MELK: variants seen among roughly 807,000 people sequenced by gnomAD.
MELK encodes pEg3 kinase.
In MELK, 81 loss-of-function variants were observed where a neutral mutation model predicts 85.0. That is an observed-to-expected ratio of 0.95 (90% CI 0.80 to 1.15). MELK has a LOEUF of 1.15. Ranked by LOEUF, MELK falls within the 50% of genes most tolerant of loss-of-function variation. The pLI is 0.00. For missense variants in MELK, 754 were observed against 777.5 expected (o/e 0.97, Z 0.36); for synonymous variants, 252 against 265.0 (o/e 0.95, Z 0.48).
intron 3 of MELK, among the ~76,000 whole-genome samples, chr9:36,588,173 C>T (rs979374929): frequency 3.3e-5 from 5 of 151,476 alleles, no homozygotes; most frequent in African/African-American, 9.7e-5. Flanking sequence ...TCTCCTGCCT[C>T]AGCCTCCAGA....
intron 14 of MELK, among the ~76,000 whole-genome samples, chr9:36,669,016 A>G (rs1832643626): frequency 6.6e-6 from 1 of 152,210 alleles, no homozygotes; most frequent in African/African-American, 2.4e-5. Context: ...TTGTATTTAT[A>G]TGATCTGTTT....
chr9:36,620,590 C>G (rs1377945349), intron 8 of MELK, among the ~76,000 whole-genome samples: 1 of 146,960 alleles, frequency 6.8e-6, no homozygotes, highest in African/African-American at 2.5e-5. Flanking sequence ...CGCTCTGTCT[C>G]CCAGGCTGGA....
Position 36,589,615 on chromosome 9 carries a change from T to G in MELK, c.224T>G (p.Val75Gly), listed in dbSNP as rs147513197. ...RHQHICQLYH[V>G]LETANKIFMV... ...CAGCATATATGTCAACTCTACCATG[T>G]GCTAGAGACAGCCAACAAAATATTC... The change falls in exon 4 of 18, where the codon GTG becomes GGG. Residue 75 changes from valine to glycine, a missense_variant. By Grantham distance (109) the Val-to-Gly change is moderately radical. Transcript: ENST00000298048. The G allele has an allele frequency of 6.0e-5, 97 of 1,613,782 alleles. No individual in the cohort carries two copies. In the African/African-American group the frequency reaches 1.2e-3, roughly 20 times the overall value.
chr9:36,605,302 G>A (rs1307629368), intron 7 of MELK, among the ~76,000 whole-genome samples: 1 of 151,894 alleles, frequency 6.6e-6, no homozygotes, highest in Non-Finnish European at 1.5e-5. Context: ...TCTACCTCCC[G>A]GGTTCAAGCA....
At chr9:36,584,661 C>A (rs928471418) in intron 3 of MELK, among the ~76,000 whole-genome samples, 1 of 151,260 alleles carries the variant, frequency 6.6e-6, no homozygotes, top group Non-Finnish European at 1.5e-5. Context: ...GATACTCTTA[C>A]TAAATATAAA....
chr9:36,635,326 C>T (rs768158114), intron 10 of MELK, among the ~76,000 whole-genome samples: 3 of 151,608 alleles, frequency 2.0e-5, no homozygotes, highest in Non-Finnish European at 2.9e-5. Flanking sequence ...TGCAATGGCA[C>T]GATCTTGGCT....
At chr9:36,600,692 C>T (rs556798148) in intron 7 of MELK, among the ~76,000 whole-genome samples, 1 of 152,100 alleles carries the variant, frequency 6.6e-6, no homozygotes, top group Admixed American at 6.6e-5. Flanking sequence ...GCTCTGGCCT[C>T]CAAATCTTTA....
At position 36,589,553 on chromosome 9, in the gene MELK, C is replaced by A; in HGVS notation, c.162C>A (p.Ile54=). The A allele has an allele frequency of 6.2e-7, 1 of 1,613,794 alleles. No individual in the cohort carries two copies. The highest frequency in any genetic ancestry group is 8.5e-7 in the Non-Finnish European group (1 of 1,179,750). Residue 54 remains isoleucine, a synonymous_variant, in exon 4 of 18, where the codon ATC becomes ATA. Coordinates refer to ENST00000298048, the MANE Select transcript of MELK (RefSeq NM_014791.4). ...KNTLGSDLPR[I]KTEIEALKNL... is the part of the protein sequence containing the mutation. ...TGTCACAGAGTGATTTGCCCCGGAT[C>A]AAAACGGAGATTGAGGCCTTGAAGA...
At chr9:36,670,782 T>A (rs1425272738) in intron 15 of MELK, among the ~76,000 whole-genome samples, 1 of 148,422 alleles carries the variant, frequency 6.7e-6, no homozygotes, top group East Asian at 1.9e-4. Context: ...AGGGGATAAA[T>A]AGTTTTGCTG....
intron 8 of MELK, among the ~76,000 whole-genome samples, chr9:36,619,376 T>C (rs1302058087): frequency 2.6e-5 from 4 of 152,200 alleles, no homozygotes; most frequent in Non-Finnish European, 5.9e-5. Context: ...TTATGGGTAT[T>C]CTGTGATGCT....
chr9:36,582,407 G>A (rs899558568), intron 2 of MELK, among the ~76,000 whole-genome samples: 1 of 152,194 alleles, frequency 6.6e-6, no homozygotes, highest in Non-Finnish European at 1.5e-5. Context: ...CAAGAGCAGA[G>A]GCAGGGAGAT....
chr9:36,626,784 C>A (rs1827967724), intron 8 of MELK, among the ~76,000 whole-genome samples: 2 of 151,652 alleles, frequency 1.3e-5, no homozygotes, highest in African/African-American at 4.8e-5. Context: ...ATGGTGAAAC[C>A]CTATCTCTAC....
chr9:36,597,233 GTT>G lies in MELK; in HGVS notation c.419_420del (p.Phe140Ter). The G allele has an allele frequency of 1.9e-6, 3 of 1,613,486 alleles. No individual in the cohort carries two copies. Among genetic ancestry groups the G allele is most frequent in the Non-Finnish European group, 2.5e-6 (3 of 1,179,482 alleles). On this transcript the variant is annotated frameshift_variant, in exon 6 of 18. Transcript: ENST00000298048. LOFTEE classifies it high-confidence loss of function. ...CTTTGTTTTCCCAGGAAAATTTGCT[GTT>G]TGATGAATATCATAAATTAAAGCTG... Reference protein sequence around the residue: ...HRDLKPENLLFDEYHKLKLID... With the variant: ...HRDLKPENLLXDEYHKLKLID...
intron 8 of MELK, among the ~76,000 whole-genome samples, chr9:36,608,271 C>G (rs1286539852): frequency 1.0e-5 from 1 of 95,984 alleles, no homozygotes; most frequent in Non-Finnish European, 1.8e-5. Flanking sequence ...GAGCAAGACT[C>G]TGTCTCAAAA....
intron 8 of MELK, among the ~76,000 whole-genome samples, chr9:36,629,375 T>G (rs1828283796): frequency 6.6e-6 from 1 of 152,192 alleles, no homozygotes; most frequent in South Asian, 2.1e-4. Flanking sequence ...TATCATGTAT[T>G]AGCATTTAGC....
chr9:36,653,737 T>C (rs1830941513), intron 12 of MELK, among the ~76,000 whole-genome samples: 1 of 152,094 alleles, frequency 6.6e-6, no homozygotes, highest in African/African-American at 2.4e-5. Context: ...CAATTGACTG[T>C]GTGGATGAAA....
intron 8 of MELK, among the ~76,000 whole-genome samples, chr9:36,615,379 T>C (rs1343914648): frequency 3.1e-5 from 4 of 127,108 alleles, no homozygotes; most frequent in African/African-American, 3.4e-5. Flanking sequence ...TCGGCACGGC[T>C]GGCCGGGCGG....
At position 36,669,377 on chromosome 9, in the gene MELK, A is replaced by G. The variant is rs145670187; in HGVS notation, c.1476A>G (p.Leu492=). 2.4e-4 allele frequency: 387 copies of G among 1,607,076 alleles called. 1 individual carries two copies. The African/African-American group carries it at 4.7e-3, about 19-fold the overall frequency. Residue 492 remains leucine, a synonymous_variant, in exon 15 of 18, where the codon TTA becomes TTG. Coordinates refer to ENST00000298048, the MANE Select transcript of MELK (RefSeq NM_014791.4). ...IPVNSTGTDK[L]MTGVISPERR... ...TAAATTCAACAGGAACAGACAAGTT[A>G]ATGACAGGTGTCATTAGCCCTGAGA... is the stretch of plus-strand genomic sequence containing the variant.
chr9:36,653,319 A>G (rs2137310560), intron 12 of MELK, among the ~76,000 whole-genome samples: 1 of 151,902 alleles, frequency 6.6e-6, no homozygotes, highest in Non-Finnish European at 1.5e-5. Context: ...GCTAATTTTT[A>G]ATTTTCTATA....
Sources: gnomAD v4.1 joint callset for allele counts (sites outside exome capture counted in the v4.1 genomes callset) on GRCh38, gnomAD v4.1.1 for gene constraint, MANE v1.5 for transcripts, NCBI Gene and HGNC (gene_info 2026-07-23, HGNC 2026-07-21) for gene names.